Variants in SEPHS1 observed in about 807,000 individuals in gnomAD.
SEPHS1 encodes the protein zincore component SEPHS1.
A neutral mutation model predicts 39.2 loss-of-function variants in SEPHS1; 7 were observed. The observed-to-expected ratio is 0.18, with a 90% confidence interval of 0.10 to 0.34. The LOEUF (loss-of-function observed/expected upper bound fraction) is 0.34, where lower values mean the gene tolerates loss of function less well. Ranked by LOEUF, SEPHS1 falls within the 10% of genes least tolerant of loss-of-function variation. SEPHS1 has a pLI of 1.00. For missense variants in SEPHS1, 253 were observed against 514.5 expected, an observed-to-expected ratio of 0.49 and a Z score of 4.92; for synonymous variants, 190 against 195.5, an observed-to-expected ratio of 0.97 and a Z score of 0.23.
At chr10:13,347,055 G>A (rs781395174) in intron 1 of SEPHS1, among the ~76,000 whole-genome samples, 2 of 152,144 alleles carry the variant, frequency 1.3e-5, no homozygotes, top group African/African-American at 4.8e-5. Flanking sequence ...GGGAACCAGG[G>A]GGATCCATTT....
intron 7 of SEPHS1, among the ~76,000 whole-genome samples, chr10:13,323,786 G>C (rs1162514958): frequency 6.6e-6 from 1 of 151,044 alleles, no homozygotes; most frequent in Non-Finnish European, 1.5e-5. Context: ...CTATTGACCA[G>C]GCTGGAGTGC....
At chr10:13,320,108 G>C (rs1299222147) in intron 8 of SEPHS1, among the ~76,000 whole-genome samples, 1 of 152,020 alleles carries the variant, frequency 6.6e-6, no homozygotes, top group Non-Finnish European at 1.5e-5. Flanking sequence ...TCATGACTCT[G>C]TCATTATATC....
chr10:13,338,818 T>C lies in SEPHS1; in HGVS notation c.194-10A>G. 1.3e-6 allele frequency: 2 copies of C among 1,594,782 alleles called. No individual in the cohort carries two copies. On this transcript the variant is annotated splice_polypyrimidine_tract_variant and intron_variant, in intron 2 of 8. Coordinates refer to ENST00000327347, the MANE Select transcript of SEPHS1 (RefSeq NM_012247.5). ...GTATCCATTCCAATGCCTGTGGAGATGGAAGTCATTAGCATCCAAAAATAA... is the reference window on the plus strand; with the variant it reads ...GTATCCATTCCAATGCCTGTGGAGACGGAAGTCATTAGCATCCAAAAATAA...
chr10:13,327,194 T>A (rs1198217644), intron 7 of SEPHS1, among the ~76,000 whole-genome samples: 1 of 124,620 alleles, frequency 8.0e-6, no homozygotes, highest in African/African-American at 3.2e-5. Flanking sequence ...TGAGCCGAGA[T>A]CACACCAATG....
chr10:13,343,812 T>C (rs1023373490), intron 2 of SEPHS1, among the ~76,000 whole-genome samples: 1 of 151,496 alleles, frequency 6.6e-6, no homozygotes, highest in Non-Finnish European at 1.5e-5. Context: ...AGAATCCATT[T>C]CAAAAAAAAA....
chr10:13,338,612 C>A, intron 3 of SEPHS1, 93 bp downstream of exon 3: 1 of 1,010,766 alleles, frequency 9.9e-7, no homozygotes, highest in Non-Finnish European at 1.5e-6. Flanking sequence ...GAAATAAAAC[C>A]AAAACCCCAC....
chr10:13,319,325 T>C lies in SEPHS1; in HGVS notation c.996A>G (p.Gln332=), dbSNP rs1393561017. 3.1e-6 allele frequency: 5 copies of C among 1,613,304 alleles called. No individual in the cohort carries two copies. In the Admixed American group the frequency reaches 8.4e-5, roughly 27 times the overall value. Residue 332 remains glutamine, a synonymous_variant, in exon 9 of 9, where the codon CAA becomes CAG. Transcript: ENST00000327347. ...TTATCTCTGCACAGAACCGAGCTGC[T>C]TGCTCACGTGGTAAACAGATCAGAA... ...GGLLICLPRE[Q]AARFCAEIKS... is the part of the protein sequence containing the mutation.
At chr10:13,335,224 T>C (rs1833590175) in intron 4 of SEPHS1, among the ~76,000 whole-genome samples, 1 of 152,208 alleles carries the variant, frequency 6.6e-6, no homozygotes, top group African/African-American at 2.4e-5. Context: ...CGTGAGCCCC[T>C]GGTGGCCCTA....
chr10:13,343,753 G>A lies in SEPHS1; in HGVS notation c.193+1005C>T, dbSNP rs370495686. Among the ~76,000 whole-genome samples, 126 of 152,298 alleles carry A rather than the reference G, an allele frequency of 8.3e-4. 4 individuals carry two copies. In the South Asian group the frequency reaches 0.026, roughly 32 times the overall value. On this transcript the variant is annotated intron_variant, in intron 2 of 8. Transcript: ENST00000327347. ...CGCATGAACCCAGGAGGCAGAGGTT[G>A]CAGTGAGCCAAGATCACGCCACTGC... is the stretch of plus-strand genomic sequence containing the variant.
chr10:13,322,746 G>C, intron 8 of SEPHS1, 89 bp downstream of exon 8: 1 of 1,231,076 alleles, frequency 8.1e-7, no homozygotes, highest in Non-Finnish European at 1.1e-6. Context: ...AACAGAGTGG[G>C]GGCCCACTCG....
intron 1 of SEPHS1, among the ~76,000 whole-genome samples, chr10:13,347,081 G>T (rs750130405): frequency 6.6e-6 from 1 of 152,082 alleles, no homozygotes; most frequent in Non-Finnish European, 1.5e-5. Flanking sequence ...AATAAGGGAC[G>T]GTGCCCGGCG....
Position 13,317,895 on chromosome 10 carries a change from C to G in SEPHS1, c.*1247G>C, listed in dbSNP as rs1564439020. ...CCACTTTACATAACACAGAGAACAC[C>G]TTTTTAGATTGCCTATTTATTCTAG... On this transcript the variant is annotated 3_prime_UTR_variant, in exon 9 of 9. Coordinates refer to ENST00000327347, the MANE Select transcript of SEPHS1 (RefSeq NM_012247.5). 1 of 152,106 alleles carries G rather than the reference C, an allele frequency of 6.6e-6. No individual in the cohort carries two copies. The highest frequency in any genetic ancestry group is 2.1e-4 in the South Asian group (1 of 4,824). 9.4% of individuals were successfully genotyped at this position (152,106 alleles called of 1,614,324 possible).
chr10:13,332,802 CACTG>C (rs1191789459), intron 5 of SEPHS1, among the ~76,000 whole-genome samples: 4 of 151,138 alleles, frequency 2.6e-5, no homozygotes, highest in Non-Finnish European at 5.9e-5. Flanking sequence ...GAGATCATAC[CACTG>C]CACTCCAGCC....
chr10:13,338,628 C>A (rs1362259301), intron 3 of SEPHS1, 77 bp downstream of exon 3: 1 of 1,133,928 alleles, frequency 8.8e-7, no homozygotes, highest in Non-Finnish European at 1.3e-6. Context: ...CCCACAGATA[C>A]ATACAAAACC....
At chr10:13,334,631 G>C (rs754362404) in intron 4 of SEPHS1, among the ~76,000 whole-genome samples, 1 of 151,846 alleles carries the variant, frequency 6.6e-6, no homozygotes, top group Non-Finnish European at 1.5e-5. Flanking sequence ...GATGTCTTGA[G>C]CCCGGGAGGC....
chr10:13,347,902 G>A (rs1271288969), intron 1 of SEPHS1, 98 bp downstream of exon 1: 2 of 146,306 alleles, frequency 1.4e-5, no homozygotes, highest in Non-Finnish European at 3.0e-5. Flanking sequence ...GCGGTCCCGG[G>A]CGGCCCGGAG....
chr10:13,332,287 C>T (rs955105593), intron 5 of SEPHS1, among the ~76,000 whole-genome samples: 5 of 152,178 alleles, frequency 3.3e-5, no homozygotes, highest in South Asian at 2.1e-4. Flanking sequence ...TCATGCTGCA[C>T]GATTCCATTT....
intron 5 of SEPHS1, among the ~76,000 whole-genome samples, chr10:13,331,928 T>C (rs903466516): frequency 6.6e-6 from 1 of 152,218 alleles, no homozygotes; most frequent in Non-Finnish European, 1.5e-5. Context: ...GAAATTGGAA[T>C]CCTCATACAT....
At chr10:13,340,643 A>G (rs2130689639) in intron 2 of SEPHS1, 1 of 152,368 alleles carries the variant, frequency 6.6e-6, no homozygotes, top group Middle Eastern at 3.4e-3. Context: ...GCTGAATGTT[A>G]GCTTTAAATG....
Sources: gnomAD v4.1 joint callset for allele counts (sites outside exome capture counted in the v4.1 genomes callset) on GRCh38, gnomAD v4.1.1 for gene constraint, MANE v1.5 for transcripts, NCBI Gene and HGNC (gene_info 2026-07-23, HGNC 2026-07-21) for gene names.